FSHR: variants seen among roughly 807,000 people sequenced by gnomAD.
FSHR encodes the protein follicle-stimulating hormone receptor.
Under a neutral mutation model 52.1 loss-of-function variants are expected in FSHR, and 46 were observed. That is an observed-to-expected ratio of 0.88 (90% CI 0.70 to 1.13). FSHR has a LOEUF of 1.13. Ranked by LOEUF, FSHR falls within the 50% of genes most tolerant of loss-of-function variation. The probability of loss-of-function intolerance (pLI) is 0.00; values close to 1 mark genes in which losing one functional copy is unlikely to be tolerated. For synonymous variants in FSHR, 399 were observed against 309.6 expected, an observed-to-expected ratio of 1.29 and a Z score of -3.03; for missense variants, 964 against 834.6, an observed-to-expected ratio of 1.16 and a Z score of -1.91.
chr2:48,987,007 CA>C (rs1675544164), intron 6 of FSHR, among the ~76,000 whole-genome samples: 1 of 152,056 alleles, frequency 6.6e-6, no homozygotes, highest in South Asian at 2.1e-4. Flanking sequence ...TTAAAATGAA[CA>C]TATATTTCAA....
rs2202325 is a variant in FSHR at position 49,143,384 on chromosome 2, C to T, written c.152+10882G>A. ...TGCCATATGAATTCAGCACATTCCT[C>T]TTATATTCAGAGTTGTAAAATGTAA... On this transcript the variant is annotated intron_variant, in intron 1 of 9. Transcript: ENST00000406846. Among the ~76,000 whole-genome samples the T allele has an allele frequency of 3.2e-3, 488 of 152,260 alleles. 2 individuals carry two copies. The highest frequency in any genetic ancestry group is 0.027 in the Middle Eastern group (8 of 294).
intron 1 of FSHR, among the ~76,000 whole-genome samples, chr2:49,082,629 C>T (rs1356327004): frequency 6.6e-6 from 1 of 151,842 alleles, no homozygotes; most frequent in Non-Finnish European, 1.5e-5. Flanking sequence ...AACTAGATAA[C>T]CAATACAGAG....
intron 4 of FSHR, among the ~76,000 whole-genome samples, chr2:48,997,577 C>T (rs1676077861): frequency 6.6e-6 from 1 of 151,930 alleles, no homozygotes; most frequent in African/African-American, 2.4e-5. Flanking sequence ...GATGTGTAGC[C>T]TTAGGGGTTA....
At chr2:49,076,863 C>A (rs1481501185) in intron 1 of FSHR, among the ~76,000 whole-genome samples, 1 of 152,154 alleles carries the variant, frequency 6.6e-6, no homozygotes, top group African/African-American at 2.4e-5. Flanking sequence ...TTTAAAACTC[C>A]AAAATGATCT....
chr2:49,098,324 T>G (rs981188152), intron 1 of FSHR, among the ~76,000 whole-genome samples: 1 of 152,120 alleles, frequency 6.6e-6, no homozygotes, highest in Non-Finnish European at 1.5e-5. Flanking sequence ...ATGATAAATT[T>G]AGTGATAGAG....
At chr2:49,149,897 A>C (rs1673003057) in intron 1 of FSHR, among the ~76,000 whole-genome samples, 1 of 152,048 alleles carries the variant, frequency 6.6e-6, no homozygotes, top group Admixed American at 6.6e-5. Flanking sequence ...GCAGCCTATA[A>C]TATAATCCCA....
intron 4 of FSHR, among the ~76,000 whole-genome samples, chr2:49,008,282 T>C (rs1469429373): frequency 7.4e-6 from 1 of 135,974 alleles, no homozygotes; most frequent in Non-Finnish European, 1.6e-5. Flanking sequence ...CGGTGTTTGG[T>C]TTTTTGTTCT....
intron 1 of FSHR, among the ~76,000 whole-genome samples, chr2:49,135,850 G>A (rs777919889): frequency 6.6e-6 from 1 of 151,968 alleles, no homozygotes; most frequent in African/African-American, 2.4e-5. Context: ...GATGGGATAT[G>A]TTTACTATTT....
intron 2 of FSHR, among the ~76,000 whole-genome samples, chr2:49,061,778 A>C (rs1669314844): frequency 7.1e-6 from 1 of 141,138 alleles, no homozygotes; most frequent in South Asian, 2.1e-4. Context: ...ATATAACTCT[A>C]TATATTCATA....
chr2:49,088,180 G>C (rs1028562136), intron 1 of FSHR, among the ~76,000 whole-genome samples: 1 of 152,172 alleles, frequency 6.6e-6, no homozygotes, highest in African/African-American at 2.4e-5. Context: ...ACAAGTCTGC[G>C]TGTGTATGTG....
In FSHR at chr2:49,147,728, A is replaced by ATT. The variant is rs531585721; in HGVS notation, c.152+6536_152+6537dup. ...GCATTCTATAGCTGTTCCTTTAGTC[A>ATT]TTTTTTTTTTTATTCTTCTGCAGGG... On this transcript the variant is annotated intron_variant, in intron 1 of 9. Transcript: ENST00000406846. 4.1e-3 allele frequency among the ~76,000 whole-genome samples: 592 copies of ATT among 145,614 alleles called. 4 individuals are homozygous for ATT. Among genetic ancestry groups the ATT allele is most frequent in the African/African-American group, 0.014 (565 of 40,076 alleles).
intron 4 of FSHR, among the ~76,000 whole-genome samples, chr2:49,010,075 C>A (rs74734393): frequency 1.7e-5 from 1 of 59,366 alleles, no homozygotes; most frequent in Non-Finnish European, 4.8e-5. Context: ...TTGAATAGGA[C>A]CGGTGAGAGA....
chr2:48,975,477 C>T (rs546138187), intron 8 of FSHR, among the ~76,000 whole-genome samples: 11 of 152,262 alleles, frequency 7.2e-5, no homozygotes, highest in Middle Eastern at 6.8e-3. Context: ...GACACAGGCA[C>T]GTCAGGCCTC....
At chr2:49,063,314 A>C (rs1014301440) in intron 2 of FSHR, among the ~76,000 whole-genome samples, 6 of 152,166 alleles carry the variant, frequency 3.9e-5, no homozygotes, top group African/African-American at 1.2e-4. Context: ...AATCTTCATC[A>C]GTGCTGTAAA....
intron 1 of FSHR, among the ~76,000 whole-genome samples, chr2:49,070,998 A>G (rs1297667758): frequency 6.6e-6 from 1 of 152,056 alleles, no homozygotes; most frequent in African/African-American, 2.4e-5. Flanking sequence ...AAACCAAGGA[A>G]CCCTGGGGGA....
At chr2:49,108,399 C>T (rs1362745101) in intron 1 of FSHR, among the ~76,000 whole-genome samples, 1 of 152,070 alleles carries the variant, frequency 6.6e-6, no homozygotes, top group African/African-American at 2.4e-5. Context: ...AGAACCCTGA[C>T]CTAATACAGA....
intron 1 of FSHR, among the ~76,000 whole-genome samples, chr2:49,076,082 T>A (rs980592037): frequency 2.6e-5 from 4 of 152,134 alleles, no homozygotes; most frequent in African/African-American, 9.7e-5. Flanking sequence ...AGCTGTCCCC[T>A]AAAAAAATAA....
intron 2 of FSHR, among the ~76,000 whole-genome samples, chr2:49,038,164 C>G (rs1289184615): frequency 1.3e-5 from 2 of 151,958 alleles, no homozygotes; most frequent in Non-Finnish European, 2.9e-5. Context: ...TTCAGACATG[C>G]AATAACTGAA....
intron 1 of FSHR, among the ~76,000 whole-genome samples, chr2:49,121,896 C>T (rs115639420): frequency 6.6e-6 from 1 of 152,050 alleles, no homozygotes; most frequent in Non-Finnish European, 1.5e-5. Context: ...AACAAACACC[C>T]TTTCTTTTGA....
Sources: gnomAD v4.1 joint callset for allele counts (sites outside exome capture counted in the v4.1 genomes callset) on GRCh38, gnomAD v4.1.1 for gene constraint, MANE v1.5 for transcripts, NCBI Gene and HGNC (gene_info 2026-07-23, HGNC 2026-07-21) for gene names.